B3GALT1: variants seen among roughly 807,000 people sequenced by gnomAD.
The protein encoded by B3GALT1 is UDP-Gal:betaGlcNAc beta 1,3-galactosyltransferase, polypeptide 1.
A neutral mutation model predicts 23.2 loss-of-function variants in B3GALT1; 10 were observed. The ratio of observed to expected loss-of-function variants is 0.43; its 90% confidence interval spans 0.27 to 0.73. B3GALT1 has a LOEUF of 0.73. Among genes scored for constraint, B3GALT1 ranks in the 30% least tolerant of loss-of-function variants. The pLI is 0.21. For synonymous variants in B3GALT1, 156 were observed against 141.5 expected (o/e 1.10, Z -0.73); for missense variants, 299 against 405.4 (o/e 0.74, Z 2.25).
chr2:167,522,083 G>T (rs1012412093), intron 2 of B3GALT1, among the ~76,000 whole-genome samples: 1 of 149,180 alleles, frequency 6.7e-6, no homozygotes, highest in Non-Finnish European at 1.5e-5. Flanking sequence ...AATATATTAG[G>T]AATTACTGAT....
intron 1 of B3GALT1, among the ~76,000 whole-genome samples, chr2:167,390,577 T>C (rs1441133446): frequency 6.6e-6 from 1 of 152,196 alleles, no homozygotes; most frequent in African/African-American, 2.4e-5. Flanking sequence ...TTCCAGAAAT[T>C]CTGATATGCC....
At chr2:167,859,479 G>T (rs1690058197) in intron 4 of B3GALT1, among the ~76,000 whole-genome samples, 1 of 152,086 alleles carries the variant, frequency 6.6e-6, no homozygotes, top group African/African-American at 2.4e-5. Context: ...AGAATAGCAA[G>T]AGCCCTAGGC....
At chr2:167,669,429 A>T (rs992960153) in intron 3 of B3GALT1, among the ~76,000 whole-genome samples, 3 of 152,308 alleles carry the variant, frequency 2.0e-5, no homozygotes, top group Admixed American at 2.0e-4. Context: ...CTGTTTTCCC[A>T]AGAAACGAAG....
At chr2:167,856,227 A>C (rs1236204927) in intron 4 of B3GALT1, among the ~76,000 whole-genome samples, 1 of 152,154 alleles carries the variant, frequency 6.6e-6, no homozygotes, top group Non-Finnish European at 1.5e-5. Flanking sequence ...CAAAACACTC[A>C]TGTTCTAAAA....
intron 1 of B3GALT1, among the ~76,000 whole-genome samples, chr2:167,428,583 C>G (rs1698658009): frequency 6.6e-6 from 1 of 151,976 alleles, no homozygotes; most frequent in Admixed American, 6.6e-5. Context: ...GAGGCTGAGG[C>G]AAGAGAATAG....
rs564662187 is a variant in B3GALT1, at chr2:167,836,423, A to G, written c.-230+17630A>G. Among the ~76,000 whole-genome samples the G allele has an allele frequency of 4.4e-4, 67 of 152,328 alleles. 1 individual carries two copies. Among genetic ancestry groups the G allele is most frequent in the Middle Eastern group, 3.4e-3 (1 of 294 alleles). On this transcript the variant is annotated intron_variant, in intron 4 of 4. Coordinates refer to ENST00000392690, the MANE Select transcript of B3GALT1 (RefSeq NM_020981.4). ...GATGCGATCAACTGGAAGAAAGGGT[A>G]TCAGCAATGGAAGATGAAATGAATG...
intron 1 of B3GALT1, among the ~76,000 whole-genome samples, chr2:167,457,193 G>A (rs1559102978): frequency 6.6e-6 from 1 of 151,922 alleles, no homozygotes; most frequent in Admixed American, 6.6e-5. Flanking sequence ...TATTTTTTGA[G>A]ACGGAGTCTT....
At chr2:167,447,024 G>GTA (rs989341602) in intron 1 of B3GALT1, among the ~76,000 whole-genome samples, 24 of 152,298 alleles carry the variant, frequency 1.6e-4, no homozygotes, top group African/African-American at 5.8e-4. Flanking sequence ...TGATGGTGAG[G>GTA]TACAGATGGG....
intron 3 of B3GALT1, among the ~76,000 whole-genome samples, chr2:167,669,078 T>C (rs193273148): frequency 4.2e-3 from 638 of 152,310 alleles, no homozygotes; most frequent in Non-Finnish European, 6.3e-3. Context: ...CTCTTATTTT[T>C]TCCGCAAAAC....
chr2:167,448,492 T>G (rs1327147156), intron 1 of B3GALT1, among the ~76,000 whole-genome samples: 1 of 152,126 alleles, frequency 6.6e-6, no homozygotes, highest in Non-Finnish European at 1.5e-5. Flanking sequence ...TGTTTGAGTT[T>G]CTTGTAGATT....
chr2:167,699,645 A>G (rs569767198), intron 3 of B3GALT1, among the ~76,000 whole-genome samples: 1 of 152,206 alleles, frequency 6.6e-6, no homozygotes. Flanking sequence ...TCAGTCATCA[A>G]TAAAATGTTA....
At chr2:167,769,404 T>C (rs1688034299) in intron 3 of B3GALT1, among the ~76,000 whole-genome samples, 1 of 152,236 alleles carries the variant, frequency 6.6e-6, no homozygotes, top group Non-Finnish European at 1.5e-5. Context: ...TGAATTTTTA[T>C]TTTCATCTTT....
chr2:167,512,944 A>G (rs975909283), intron 2 of B3GALT1, among the ~76,000 whole-genome samples: 26 of 148,298 alleles, frequency 1.8e-4, no homozygotes, highest in African/African-American at 2.5e-4. Flanking sequence ...TACCCAGCCT[A>G]TATTTTATAT....
chr2:167,379,227 C>T (rs929765143), intron 1 of B3GALT1, among the ~76,000 whole-genome samples: 9 of 151,970 alleles, frequency 5.9e-5, no homozygotes, highest in African/African-American at 1.9e-4. Flanking sequence ...CATCAGATCT[C>T]GTGAGAACTC....
intron 1 of B3GALT1, among the ~76,000 whole-genome samples, chr2:167,446,631 T>TA (rs1698999111): frequency 6.6e-6 from 1 of 152,222 alleles, no homozygotes; most frequent in South Asian, 2.1e-4. Context: ...CAGTCACTGA[T>TA]ACCCTTTTTC....
Position 167,559,633 on chromosome 2 carries a change from A to C in B3GALT1, c.-410+69356A>C, listed in dbSNP as rs181251446. On this transcript the variant is annotated intron_variant, in intron 2 of 4. Transcript: ENST00000392690. ...AAAGGAGCTGATGGAGCTGAAAGCC[A>C]AGGCTCGAGAACTACGTGAAGAATG... 3.3e-3 allele frequency among the ~76,000 whole-genome samples: 501 copies of C among 152,364 alleles called. 6 individuals carry two copies. Among genetic ancestry groups the C allele is most frequent in the African/African-American group, 0.012 (481 of 41,588 alleles).
rs186116827 is a variant in B3GALT1, at chr2:167,732,357, G to C, written c.-352+85391G>C. The stretch of plus-strand genomic sequence containing the variant: ...AAAAAACAGAGTTGTGAGTAGTACT[G>C]ACGTAATTAGAAGTTGAACCTGTTT... On this transcript the variant is annotated intron_variant, in intron 3 of 4. Transcript: ENST00000392690. Among the ~76,000 whole-genome samples the C allele has an allele frequency of 3.9e-5, 6 of 152,320 alleles. No homozygotes were observed. The East Asian group carries it at 1.2e-3, about 29-fold the overall frequency.
In B3GALT1 at chr2:167,873,907, T is replaced by G. The variant is rs1265102207; in HGVS notation, c.*3887T>G. On this transcript the variant is annotated 3_prime_UTR_variant, in exon 5 of 5. Coordinates refer to ENST00000392690, the MANE Select transcript of B3GALT1 (RefSeq NM_020981.4). ...ACACTGAAGATATCATTACACTTTC[T>G]TCACCTTCCTCTTGAAATGTAAACT... is the stretch of plus-strand genomic sequence containing the variant. The G allele has an allele frequency of 6.6e-6, 1 of 152,212 alleles. No homozygotes were observed. The highest frequency in any genetic ancestry group is 1.5e-5 in the Non-Finnish European group (1 of 68,040). The allele number at this position is 152,212 out of a possible 1,614,324, so 9.4% of individuals were successfully genotyped here.
At position 167,804,775 on chromosome 2, in the gene B3GALT1, C is replaced by T. The variant is rs565889165; in HGVS notation, c.-351-13897C>T. 5.8e-4 allele frequency among the ~76,000 whole-genome samples: 88 copies of T among 151,988 alleles called. No individual in the cohort carries two copies. In the East Asian group the frequency reaches 9.6e-3, roughly 17 times the overall value. ...AAGTCTTTGCTATTGTGAATAGTGC[C>T]GCAATAAACATATGTGTGCATGTGT... On this transcript the variant is annotated intron_variant, in intron 3 of 4. Transcript: ENST00000392690.
Sources: gnomAD v4.1 joint callset for allele counts (sites outside exome capture counted in the v4.1 genomes callset) on GRCh38, gnomAD v4.1.1 for gene constraint, MANE v1.5 for transcripts, NCBI Gene and HGNC (gene_info 2026-07-23, HGNC 2026-07-21) for gene names.